Variants in MRM1 observed in about 807,000 individuals in gnomAD.
MRM1 encodes mitochondrial rRNA methyltransferase 1, also known as rRNA methyltransferase 1, mitochondrial.
In MRM1, 24 loss-of-function variants were observed where a neutral mutation model predicts 25.0. That is an observed-to-expected ratio of 0.96 (90% CI 0.69 to 1.35). The LOEUF (loss-of-function observed/expected upper bound fraction) is 1.35. Among genes scored for constraint, MRM1 ranks in the 40% most tolerant of loss-of-function variants. The pLI is 0.00. For synonymous variants in MRM1, 188 were observed against 199.2 expected, an observed-to-expected ratio of 0.94 and a Z score of 0.47; for missense variants, 431 against 464.1, an observed-to-expected ratio of 0.93 and a Z score of 0.65.
chr17:36,603,439 T>C (rs989530388), intron 2 of MRM1: 1 of 158,758 alleles, frequency 6.3e-6, no homozygotes, highest in African/African-American at 2.4e-5. Context: ...TTCATTCTTA[T>C]TGCCCAAGCT....
At chr17:36,634,150 A>G in the MRM1 span, 2 of 152,274 alleles carry the variant, frequency 1.3e-5, no homozygotes, top group Non-Finnish European at 2.9e-5. Flanking sequence ...TCAAAGCTCT[A>G]GAGCCCCTAT....
At chr17:36,619,042 C>T in the MRM1 span, among the ~76,000 whole-genome samples, 77 of 152,294 alleles carry the variant, frequency 5.1e-4, no homozygotes, top group African/African-American at 1.4e-3. Flanking sequence ...CCCTTTAAAC[C>T]GCAGCTCCCC....
chr17:36,625,957 C>G, the MRM1 span, among the ~76,000 whole-genome samples: 427 of 151,400 alleles, frequency 2.8e-3, 3 homozygotes, highest in East Asian at 0.027. Context: ...CTAAAGCCTC[C>G]CCTGATGCTC....
the MRM1 span, among the ~76,000 whole-genome samples, chr17:36,631,596 C>T: frequency 5.3e-5 from 8 of 152,230 alleles, no homozygotes; most frequent in East Asian, 1.9e-4. Context: ...GCACACCAAA[C>T]GCGGGGCATC....
the MRM1 span, among the ~76,000 whole-genome samples, chr17:36,619,914 T>C: frequency 6.6e-6 from 1 of 152,294 alleles, no homozygotes; most frequent in African/African-American, 2.4e-5. Context: ...CGGCATCTCC[T>C]TGTGGTTTTG....
chr17:36,628,511 A>G, the MRM1 span, among the ~76,000 whole-genome samples: 2 of 152,186 alleles, frequency 1.3e-5, no homozygotes, highest in Non-Finnish European at 2.9e-5. Flanking sequence ...AGATGGATAT[A>G]ACCATGGAAA....
At chr17:36,620,476 G>C in the MRM1 span, among the ~76,000 whole-genome samples, 34,451 of 152,120 alleles carry the variant, frequency 0.23, 4,215 homozygotes, top group African/African-American at 0.28. Flanking sequence ...AGGACCAGTA[G>C]GAGGCCCAGG....
At chr17:36,629,697 A>G in the MRM1 span, among the ~76,000 whole-genome samples, 1 of 130,008 alleles carries the variant, frequency 7.7e-6, no homozygotes, top group Admixed American at 8.1e-5. Context: ...GAGCAGAGGG[A>G]CCAGAGGGCA....
In MRM1 at chr17:36,608,356, A is replaced by G. The variant is rs149135886; in HGVS notation, c.1003A>G (p.Met335Val). The G allele has an allele frequency of 3.7e-6, 6 of 1,609,868 alleles. No homozygotes were observed. Among genetic ancestry groups the G allele is most frequent in the Non-Finnish European group, 4.2e-6 (5 of 1,178,114 alleles). The stretch of plus-strand genomic sequence containing the variant: ...CTCAGCCAGGTCTGAAGGGCTCAGC[A>G]TGGCTCAGCACCCAGGGCTGTCTTC... ...EPSARSEGLS[M>V]AQHPGLSSGP... Residue 335 changes from methionine (M) to valine (V), a missense_variant, in exon 5 of 5, where the codon ATG (methionine) becomes GTG (valine). Coordinates refer to ENST00000614766, the MANE Select transcript of MRM1 (RefSeq NM_024864.5).
At chr17:36,630,506 G>C in the MRM1 span, among the ~76,000 whole-genome samples, 2 of 152,146 alleles carry the variant, frequency 1.3e-5, no homozygotes, top group Non-Finnish European at 2.9e-5. Context: ...AAAGCAGAGG[G>C]GTGGGCTTTT....
In MRM1 at chr17:36,602,809, C is replaced by T; in HGVS notation, c.636+163C>T. The T allele has an allele frequency of 2.7e-6, 2 of 744,426 alleles. No homozygotes were observed. Among genetic ancestry groups the T allele is most frequent in the Non-Finnish European group, 3.3e-6 (2 of 610,096 alleles). 46.1% of individuals were successfully genotyped at this position (744,426 alleles called of 1,614,324 possible). On this transcript the variant is annotated intron_variant, in intron 2 of 4. Coordinates refer to ENST00000614766, the MANE Select transcript of MRM1 (RefSeq NM_024864.5). The surrounding 1 kb of genome is among the most constrained non-coding windows in gnomAD (Gnocchi z 4.1). ...TGGAAGGGTCCTGGAGTTTTTAAAA[C>T]GGCAAATGGAGCATTAGCTGAATTC...
At chr17:36,622,281 G>C in the MRM1 span, among the ~76,000 whole-genome samples, 1 of 152,134 alleles carries the variant, frequency 6.6e-6, no homozygotes, top group Non-Finnish European at 1.5e-5. Context: ...GCTGGTGGAA[G>C]AGACTTCAGA....
At chr17:36,609,804 G>A (rs2142844591), downstream of MRM1, among the ~76,000 whole-genome samples, 1 of 152,328 alleles carries the variant, frequency 6.6e-6, no homozygotes, top group African/African-American at 2.4e-5. Context: ...GAACTCACAT[G>A]TATTAGGTGC....
the MRM1 span, among the ~76,000 whole-genome samples, chr17:36,631,548 G>C: frequency 8.5e-5 from 13 of 152,204 alleles, no homozygotes; most frequent in African/African-American, 3.1e-4. Context: ...TTTCAGAGTT[G>C]GGAACCTTGA....
At chr17:36,608,207 T>A (rs1567849000) in intron 4 of MRM1, 36 bp from the exon 5 acceptor site, 1 of 1,537,662 alleles carries the variant, frequency 6.5e-7, no homozygotes, top group Non-Finnish European at 8.8e-7. Context: ...ATCCTTCTCC[T>A]CCGTCCTCTC....
chr17:36,614,058 T>C, the MRM1 span, among the ~76,000 whole-genome samples: 1 of 151,992 alleles, frequency 6.6e-6, no homozygotes, highest in South Asian at 2.1e-4. Flanking sequence ...TCAATAAATG[T>C]GAGCTTTTCA....
chr17:36,613,446 C>T (rs1487867687), downstream of MRM1, among the ~76,000 whole-genome samples: 1 of 152,182 alleles, frequency 6.6e-6, no homozygotes, highest in Non-Finnish European at 1.5e-5. Context: ...AGCCGCTCAG[C>T]CACTCCCTCC....
At chr17:36,628,441 G>A in the MRM1 span, among the ~76,000 whole-genome samples, 1 of 152,214 alleles carries the variant, frequency 6.6e-6, no homozygotes, top group Admixed American at 6.5e-5. Flanking sequence ...TTCCGGAGGG[G>A]AAGAAGAGAG....
the MRM1 span, among the ~76,000 whole-genome samples, chr17:36,631,007 G>A: frequency 6.6e-6 from 1 of 152,164 alleles, no homozygotes. Flanking sequence ...ACACCTCTAA[G>A]TCCCAGTTTC....
Sources: allele counts gnomAD v4.1 joint callset (sites outside exome capture counted in the v4.1 genomes callset), GRCh38; gene constraint gnomAD v4.1.1; non-coding constraint Gnocchi (gnomAD v3.1); transcripts MANE v1.5; gene names NCBI Gene and HGNC (gene_info 2026-07-23, HGNC 2026-07-21).